Variants in SCFD2 observed in about 807,000 individuals in gnomAD.
SCFD2 encodes sec1 family domain containing 2.
Under a neutral mutation model 58.9 loss-of-function variants are expected in SCFD2, and 54 were observed. That is an observed-to-expected ratio of 0.92 (90% CI 0.74 to 1.15). The LOEUF (loss-of-function observed/expected upper bound fraction) is 1.15. SCFD2 is among the 50% of genes most tolerant of loss of function. SCFD2 has a pLI of 0.00. For synonymous variants in SCFD2, 321 were observed against 335.9 expected (o/e 0.96, Z 0.49); for missense variants, 805 against 836.6 (o/e 0.96, Z 0.47).
chr4:53,247,886 A>AAT (rs1462171798), intron 4 of SCFD2, among the ~76,000 whole-genome samples: 1 of 151,012 alleles, frequency 6.6e-6, no homozygotes, highest in Non-Finnish European at 1.5e-5. Flanking sequence ...AAAAAAAAAA[A>AAT]AAAAAAATAA....
chr4:53,189,222 A>G (rs1159137596), intron 4 of SCFD2, among the ~76,000 whole-genome samples: 2 of 152,344 alleles, frequency 1.3e-5, no homozygotes, highest in African/African-American at 4.8e-5. Context: ...CTAAAAACAA[A>G]ACAGTAAAAA....
intron 1 of SCFD2, among the ~76,000 whole-genome samples, chr4:53,353,088 G>A (rs576717415): frequency 1.2e-4 from 18 of 152,168 alleles, no homozygotes; most frequent in African/African-American, 2.9e-4. Context: ...GACCCTCAAC[G>A]GTGAGTGTTA....
Position 53,015,812 on chromosome 4 carries a change from G to A in SCFD2, c.1562-94942C>T, listed in dbSNP as rs139109909. ...TAACATGTTTGAGCCACAACGAGGC[G>A]CTCTGGATTCAAGAATGAGTGGGCT... is the stretch of plus-strand genomic sequence containing the variant. On this transcript the variant is annotated intron_variant, in intron 5 of 8. Coordinates refer to ENST00000401642, the MANE Select transcript of SCFD2 (RefSeq NM_152540.4). Among the ~76,000 whole-genome samples, 187 of 152,252 alleles carry A rather than the reference G, an allele frequency of 1.2e-3. 1 individual carries two copies. Among genetic ancestry groups the A allele is most frequent in the African/African-American group, 4.3e-3 (180 of 41,552 alleles).
At chr4:53,055,108 A>T (rs547268187) in intron 5 of SCFD2, among the ~76,000 whole-genome samples, 1 of 152,326 alleles carries the variant, frequency 6.6e-6, no homozygotes, top group South Asian at 2.1e-4. Context: ...CCTAACATTT[A>T]CTGGGTGCTT....
At chr4:52,932,739 T>G (rs554283812) in intron 5 of SCFD2, among the ~76,000 whole-genome samples, 1 of 152,144 alleles carries the variant, frequency 6.6e-6, no homozygotes, top group African/African-American at 2.4e-5. Flanking sequence ...GCCCCCACTT[T>G]CTCCCCTCCC....
chr4:53,144,596 T>A (rs1726267010), intron 5 of SCFD2, among the ~76,000 whole-genome samples: 1 of 149,636 alleles, frequency 6.7e-6, no homozygotes, highest in Non-Finnish European at 1.5e-5. Context: ...CAATTTCCAA[T>A]CCTATAATAT....
chr4:53,208,893 C>T (rs146332073), intron 4 of SCFD2, among the ~76,000 whole-genome samples: 1,637 of 152,206 alleles, frequency 0.011, 21 homozygotes, highest in Non-Finnish European at 0.014. Context: ...TGAAAGTTTG[C>T]CTGCCTGCCT....
chr4:52,924,241 G>T (rs1182724763), intron 5 of SCFD2, among the ~76,000 whole-genome samples: 1 of 152,020 alleles, frequency 6.6e-6, no homozygotes, highest in African/African-American at 2.4e-5. Flanking sequence ...AGATTATACA[G>T]TATTTACTTA....
intron 4 of SCFD2, among the ~76,000 whole-genome samples, chr4:53,176,947 CAA>C (rs3064988): frequency 0.61 from 76,472 of 124,820 alleles, 22,099 homozygotes; most frequent in Admixed American, 0.71. Context: ...ACAACAATCT[CAA>C]AAAAAAAAAA....
At chr4:53,285,404 A>C (rs1176631793) in intron 3 of SCFD2, among the ~76,000 whole-genome samples, 2 of 151,954 alleles carry the variant, frequency 1.3e-5, no homozygotes, top group African/African-American at 4.8e-5. Flanking sequence ...CCTCTAAATA[A>C]ATTCCCACCT....
intron 6 of SCFD2, among the ~76,000 whole-genome samples, chr4:52,919,906 C>T (rs139999824): frequency 9.9e-4 from 151 of 152,268 alleles, no homozygotes; most frequent in African/African-American, 3.5e-3. Context: ...CTCCAAAAAG[C>T]CTTAACAAAT....
chr4:53,257,893 A>G (rs1004033406), intron 4 of SCFD2, among the ~76,000 whole-genome samples: 4 of 152,076 alleles, frequency 2.6e-5, no homozygotes, highest in African/African-American at 7.2e-5. Flanking sequence ...CTCATATTTA[A>G]AAAAAATAGC....
chr4:53,343,372 A>T (rs1014517899), intron 2 of SCFD2, among the ~76,000 whole-genome samples: 3 of 152,112 alleles, frequency 2.0e-5, no homozygotes, highest in African/African-American at 7.2e-5. Flanking sequence ...ATAAATTCCT[A>T]GACACTTACA....
chr4:53,296,642 G>C (rs1308599513), intron 3 of SCFD2, among the ~76,000 whole-genome samples: 1 of 152,036 alleles, frequency 6.6e-6, no homozygotes, highest in Non-Finnish European at 1.5e-5. Context: ...ATCTCCTTCA[G>C]TTCTGCTCGA....
intron 5 of SCFD2, among the ~76,000 whole-genome samples, chr4:53,050,683 T>C (rs1476781150): frequency 2.6e-5 from 4 of 152,206 alleles, no homozygotes; most frequent in African/African-American, 7.2e-5. Flanking sequence ...AAAACACAGA[T>C]ATGATCAAGT....
chr4:53,211,661 G>C (rs1483206390), intron 4 of SCFD2, among the ~76,000 whole-genome samples: 1 of 152,086 alleles, frequency 6.6e-6, no homozygotes, highest in Non-Finnish European at 1.5e-5. Context: ...CTCAGCTGGT[G>C]TCCGCTGCTT....
chr4:52,916,943 G>C (rs1432999361), intron 6 of SCFD2, among the ~76,000 whole-genome samples: 1 of 152,084 alleles, frequency 6.6e-6, no homozygotes, highest in Non-Finnish European at 1.5e-5. Context: ...TCTTGCCCAG[G>C]CTAGAGTACA....
At chr4:53,092,403 C>T (rs1454359085) in intron 5 of SCFD2, among the ~76,000 whole-genome samples, 2 of 152,060 alleles carry the variant, frequency 1.3e-5, no homozygotes, top group African/African-American at 2.4e-5. Context: ...AAAAAATAAA[C>T]ATACACTTAC....
chr4:53,364,172 G>A (rs984459367), intron 1 of SCFD2, among the ~76,000 whole-genome samples: 4 of 152,134 alleles, frequency 2.6e-5, no homozygotes, highest in African/African-American at 9.7e-5. Flanking sequence ...TTACATCTCA[G>A]TATTACCATT....
Sources: allele counts gnomAD v4.1 joint callset (sites outside exome capture counted in the v4.1 genomes callset), GRCh38; gene constraint gnomAD v4.1.1; transcripts MANE v1.5; gene names NCBI Gene and HGNC (gene_info 2026-07-23, HGNC 2026-07-21).